The following PCDH15 variants were observed in gnomAD, a reference collection of about 807,000 sequenced individuals.
PCDH15 encodes protocadherin related 15.
A neutral mutation model predicts 178.5 loss-of-function variants in PCDH15; 129 were observed. The observed-to-expected ratio is 0.72, with a 90% CI of 0.63 to 0.84. The LOEUF is 0.84. Among genes scored for constraint, PCDH15 ranks in the 40% least tolerant of loss-of-function variants. PCDH15 has a pLI of 0.00. For missense variants in PCDH15, 2,230 were observed against 2,099.9 expected, an observed-to-expected ratio of 1.06 and a Z score of -1.21; for synonymous variants, 800 against 732.0, an observed-to-expected ratio of 1.09 and a Z score of -1.50.
chr10:55,467,966 CA>C (rs71463104), intron 2 of PCDH15, among the ~76,000 whole-genome samples: 71 of 36,636 alleles, frequency 1.9e-3, no homozygotes, highest in Middle Eastern at 0.015. Context: ...GACTCCGTCT[CA>C]AAAAAAAAAA....
At chr10:55,144,024 A>G (rs1171096352) in intron 2 of PCDH15, among the ~76,000 whole-genome samples, 3 of 151,884 alleles carry the variant, frequency 2.0e-5, no homozygotes, top group Non-Finnish European at 2.9e-5. Flanking sequence ...GGGAAAAAAA[A>G]CACACAACAT....
chr10:55,134,406 A>G (rs1371488025), intron 2 of PCDH15, among the ~76,000 whole-genome samples: 2 of 152,166 alleles, frequency 1.3e-5, no homozygotes, highest in African/African-American at 4.8e-5. Flanking sequence ...GCCTCATAGT[A>G]TAATATTGAC....
chr10:55,585,672 T>C (rs1227591062), intron 2 of PCDH15, among the ~76,000 whole-genome samples: 2 of 152,108 alleles, frequency 1.3e-5, no homozygotes, highest in African/African-American at 4.8e-5. Context: ...TGAAACTCCA[T>C]ATCAAGTAGG....
At chr10:55,210,618 CTTTTTTTTTTTTT>C (rs11412877) in intron 1 of PCDH15, among the ~76,000 whole-genome samples, 63 of 40,342 alleles carry the variant, frequency 1.6e-3, no homozygotes, top group East Asian at 0.015. Flanking sequence ...TTTTTCTTTT[CTTTTTTTTTTTTT>C]TTTTTTTTTT....
chr10:54,941,067 T>G (rs140686873), intron 2 of PCDH15, among the ~76,000 whole-genome samples: 1 of 152,114 alleles, frequency 6.6e-6, no homozygotes, highest in African/African-American at 2.4e-5. Context: ...GTGTTTTCTG[T>G]ATGCTTTTTT....
chr10:54,583,053 T>A (rs1243026171), intron 2 of PCDH15, among the ~76,000 whole-genome samples: 1 of 151,846 alleles, frequency 6.6e-6, no homozygotes, highest in Non-Finnish European at 1.5e-5. Flanking sequence ...GGAAAAAAAT[T>A]TAAAAGAATC....
At chr10:54,453,030 A>G (rs78120630) in intron 3 of PCDH15, among the ~76,000 whole-genome samples, 1,707 of 152,198 alleles carry the variant, frequency 0.011, 26 homozygotes, top group African/African-American at 0.037. Context: ...TAGTGTCTCT[A>G]TAAGGAACAC....
intron 2 of PCDH15, among the ~76,000 whole-genome samples, chr10:55,091,739 G>C (rs1842322992): frequency 6.6e-6 from 1 of 151,634 alleles, no homozygotes; most frequent in Non-Finnish European, 1.5e-5. Flanking sequence ...CATTTCCTAG[G>C]GATACCAGCC....
intron 2 of PCDH15, among the ~76,000 whole-genome samples, chr10:54,622,674 A>T (rs189806944): frequency 1.0e-5 from 1 of 95,510 alleles, no homozygotes; most frequent in Non-Finnish European, 1.9e-5. Context: ...TATATTATAT[A>T]TAATATATAT....
At chr10:54,997,048 G>T (rs531010626) in intron 2 of PCDH15, among the ~76,000 whole-genome samples, 147 of 150,866 alleles carry the variant, frequency 9.7e-4, no homozygotes, top group African/African-American at 3.5e-3. Context: ...GGTGGAGGTT[G>T]CAGTGAGCTG....
At chr10:55,392,952 CA>C (rs1368479060) in intron 2 of PCDH15, among the ~76,000 whole-genome samples, 1 of 149,956 alleles carries the variant, frequency 6.7e-6, no homozygotes. Context: ...TAGCATGCAG[CA>C]AGTATCAATC....
chr10:55,173,422 T>C (rs1219097861), intron 1 of PCDH15, among the ~76,000 whole-genome samples: 11 of 151,880 alleles, frequency 7.2e-5, no homozygotes, highest in African/African-American at 2.2e-4. Context: ...AAAATTTATA[T>C]GCCCATTCAT....
intron 18 of PCDH15, among the ~76,000 whole-genome samples, chr10:54,044,962 T>C (rs1180148056): frequency 1.3e-5 from 2 of 152,116 alleles, no homozygotes; most frequent in East Asian, 3.9e-4. Flanking sequence ...GTTCATCTCA[T>C]GGCAAAGTTA....
At chr10:54,493,494 G>T (rs1291964895) in intron 3 of PCDH15, among the ~76,000 whole-genome samples, 1 of 151,966 alleles carries the variant, frequency 6.6e-6, no homozygotes, top group African/African-American at 2.4e-5. Context: ...CATCTATTTT[G>T]CTCTTTGATT....
chr10:54,562,580 C>T (rs1306627782), intron 2 of PCDH15, among the ~76,000 whole-genome samples: 1 of 151,986 alleles, frequency 6.6e-6, no homozygotes, highest in Non-Finnish European at 1.5e-5. Context: ...TCAAAATGGG[C>T]ATGAAGACAT....
chr10:54,865,069 T>C (rs984678270), intron 3 of PCDH15, among the ~76,000 whole-genome samples: 11 of 152,074 alleles, frequency 7.2e-5, no homozygotes, highest in African/African-American at 2.7e-4. Context: ...CTTGATTGGA[T>C]TGAAGGATAC....
intron 8 of PCDH15, among the ~76,000 whole-genome samples, chr10:54,315,725 G>A (rs116436784): frequency 0.2 from 29,021 of 145,916 alleles, 3,078 homozygotes; most frequent in African/African-American, 0.28. Flanking sequence ...AGGAGGGGGG[G>A]GTCCAGCTTC....
At chr10:54,369,623 GTTAA>G (rs1469991505) in intron 4 of PCDH15, among the ~76,000 whole-genome samples, 1 of 151,894 alleles carries the variant, frequency 6.6e-6, no homozygotes, top group African/African-American at 2.4e-5. Flanking sequence ...TGAAGAAAGT[GTTAA>G]TTAATAAATT....
intron 1 of PCDH15, among the ~76,000 whole-genome samples, chr10:55,222,730 C>CATATATATATATATATATATAT (rs142618720): frequency 7.5e-4 from 91 of 121,138 alleles, no homozygotes; most frequent in Non-Finnish European, 9.1e-4. Context: ...CACACACACA[C>CATATATATATATATATATATAT]ATATATATAT....
Sources: allele counts gnomAD v4.1 joint callset (sites outside exome capture counted in the v4.1 genomes callset), GRCh38; gene constraint gnomAD v4.1.1; transcripts MANE v1.5; gene names NCBI Gene and HGNC (gene_info 2026-07-23, HGNC 2026-07-21).